The following VCPIP1 variants were observed in gnomAD, a reference collection of about 807,000 sequenced individuals.
VCPIP1 encodes deubiquitinating protein VCPIP1.
In VCPIP1, 8 loss-of-function variants were observed where a neutral mutation model predicts 85.0. The ratio of observed to expected loss-of-function variants is 0.09; its 90% CI spans 0.06 to 0.17. The LOEUF (loss-of-function observed/expected upper bound fraction) is 0.17, where lower values mean the gene tolerates loss of function less well. VCPIP1 is among the 10% of genes least tolerant of loss of function. The pLI is 1.00. For synonymous variants in VCPIP1, 543 were observed against 544.5 expected (o/e 1.00, Z 0.04); for missense variants, 1,070 against 1,486.3 (o/e 0.72, Z 4.61).
At chr8:66,658,367 T>G (rs1053576685) in intron 1 of VCPIP1, among the ~76,000 whole-genome samples, 7 of 146,718 alleles carry the variant, frequency 4.8e-5, no homozygotes, top group Non-Finnish European at 1.0e-4. Context: ...AGAATATGCA[T>G]AAGTACTATC....
At position 66,645,839 on chromosome 8, in the gene VCPIP1, G is replaced by C. The variant is rs150822092; in HGVS notation, c.2797+5619C>G. The stretch of plus-strand genomic sequence containing the variant: ...CCTGCTACTCAGAAGGCCAAGGTGG[G>C]AGATCAACTGAGCCAGGTAGGTCAA... On this transcript the variant is annotated intron_variant, in intron 2 of 2. Coordinates refer to ENST00000310421, the MANE Select transcript of VCPIP1 (RefSeq NM_025054.5). 6.1e-4 allele frequency among the ~76,000 whole-genome samples: 93 copies of C among 152,084 alleles called. 2 individuals are homozygous for C. The East Asian group carries it at 7.9e-3, about 13-fold the overall frequency.
intron 2 of VCPIP1, among the ~76,000 whole-genome samples, chr8:66,647,905 T>C (rs1811012129): frequency 6.6e-6 from 1 of 152,138 alleles, no homozygotes. Context: ...CACCTCAGCC[T>C]CCTGAGTAGC....
chr8:66,641,800 C>G (rs988175952), intron 2 of VCPIP1, among the ~76,000 whole-genome samples: 1 of 152,202 alleles, frequency 6.6e-6, no homozygotes, highest in African/African-American at 2.4e-5. Context: ...AATAATATTT[C>G]ACTGTATGGC....
intron 2 of VCPIP1, among the ~76,000 whole-genome samples, chr8:66,646,088 T>C (rs988424298): frequency 6.6e-6 from 1 of 151,834 alleles, no homozygotes; most frequent in South Asian, 2.1e-4. Flanking sequence ...TTTTTTTTTT[T>C]TGAGACAGAG....
intron 2 of VCPIP1, 98 bp from the exon 3 acceptor site, chr8:66,635,470 C>G: frequency 8.1e-7 from 1 of 1,230,220 alleles, no homozygotes; most frequent in Non-Finnish European, 1.1e-6. Flanking sequence ...TTTTAAATAA[C>G]AATTTACAGA....
At chr8:66,649,372 C>T (rs577646534) in intron 2 of VCPIP1, among the ~76,000 whole-genome samples, 2 of 152,116 alleles carry the variant, frequency 1.3e-5, no homozygotes, top group East Asian at 3.9e-4. Flanking sequence ...ATTAGCTGGG[C>T]ATGGTGGCAC....
chr8:66,665,512 C>T lies in VCPIP1; in HGVS notation c.1447G>A (p.Glu483Lys). ...GALSELHVPP[E>K]WLAPGGKLYN... is the part of the protein sequence containing the mutation. Reference sequence around the variant, plus strand: ...AATTTCCCTCCAGGAGCCAACCACTCTGGAGGAACATGAAGTTCAGAAAGG... The same window carrying T: ...AATTTCCCTCCAGGAGCCAACCACTTTGGAGGAACATGAAGTTCAGAAAGG... Residue 483 changes from glutamate (E) to lysine (K), a missense_variant, in exon 1 of 3, where the codon GAG becomes AAG. Physicochemically the swap from Glu to Lys is moderately conservative, Grantham distance 56. Coordinates refer to ENST00000310421, the MANE Select transcript of VCPIP1 (RefSeq NM_025054.5). The surrounding 1 kb of genome is among the most constrained non-coding windows in gnomAD (Gnocchi z 4.3). 1 of 1,614,120 alleles carries T rather than the reference C, an allele frequency of 6.2e-7. No homozygotes were observed. Among genetic ancestry groups the T allele is most frequent in the Non-Finnish European group, 8.5e-7 (1 of 1,179,976 alleles).
At position 66,632,427 on chromosome 8, in the gene VCPIP1, T is replaced by C. The variant is rs1406690841; in HGVS notation, c.*2074A>G. On this transcript the variant is annotated 3_prime_UTR_variant, in exon 3 of 3. Transcript: ENST00000310421. ...TATTCATACCTAACTGGCTTTTAAA[T>C]AGCATTGCTGTAGCTAGAGAAATTA... The C allele has an allele frequency of 6.6e-6, 1 of 152,094 alleles. No homozygotes were observed. The highest frequency in any genetic ancestry group is 1.5e-5 in the Non-Finnish European group (1 of 67,952). The allele number at this position is 152,094 out of a possible 1,614,324, so 9.4% of individuals were successfully genotyped here.
At chr8:66,635,468 A>G in intron 2 of VCPIP1, 96 bp from the exon 3 acceptor site, 1 of 1,243,918 alleles carries the variant, frequency 8.0e-7, no homozygotes, top group Non-Finnish European at 1.1e-6. Context: ...AATTTTAAAT[A>G]ACAATTTACA....
intron 1 of VCPIP1, among the ~76,000 whole-genome samples, chr8:66,657,373 G>C (rs1023531876): frequency 5.3e-5 from 8 of 152,182 alleles, no homozygotes; most frequent in Admixed American, 1.3e-4. Context: ...TAGGAACACA[G>C]GACTGTTTCA....
chr8:66,656,500 T>TTTAAA (rs1319155414), intron 1 of VCPIP1, among the ~76,000 whole-genome samples: 1 of 152,260 alleles, frequency 6.6e-6, no homozygotes, highest in African/African-American at 2.4e-5. Context: ...GCCTTCTAAC[T>TTTAAA]TTAAATATTT....
At chr8:66,638,517 C>T (rs190427453) in intron 2 of VCPIP1, among the ~76,000 whole-genome samples, 1,927 of 147,832 alleles carry the variant, frequency 0.013, 42 homozygotes, top group African/African-American at 0.045. Flanking sequence ...CGGTGGCTCA[C>T]GCCTGTAATC....
Position 66,667,199 on chromosome 8 carries a change from C to A in VCPIP1, c.-241G>T. Reference sequence around the variant, plus strand: ...GCCACCACCCCACCCCGCACTCACACTCACTCACTCTCGCTCTCTCTCCCT... The same window carrying A: ...GCCACCACCCCACCCCGCACTCACAATCACTCACTCTCGCTCTCTCTCCCT... On this transcript the variant is annotated 5_prime_UTR_variant, in exon 1 of 3. Transcript: ENST00000310421. 1 of 722,278 alleles carries A rather than the reference C, an allele frequency of 1.4e-6. No homozygotes were observed. Among genetic ancestry groups the A allele is most frequent in the African/African-American group, 1.8e-5 (1 of 56,418 alleles). The allele number at this position is 722,278 out of a possible 1,614,324, so 44.7% of individuals were successfully genotyped here.
intron 1 of VCPIP1, among the ~76,000 whole-genome samples, chr8:66,654,654 C>G (rs1011492328): frequency 6.6e-6 from 1 of 152,184 alleles, no homozygotes; most frequent in Non-Finnish European, 1.5e-5. Context: ...GATTAGAGAT[C>G]AGGAAGCAGG....
In VCPIP1 at chr8:66,651,563, T is replaced by C. The variant is rs371516049; in HGVS notation, c.2711-19A>G. 4.6e-5 allele frequency: 74 copies of C among 1,599,542 alleles called. No individual in the cohort carries two copies. The Middle Eastern group carries it at 1.3e-3, about 29-fold the overall frequency. ...TCTTCTCCTGTAAGACAAAAACAGA[T>C]ATAGTATTAGCAACAAACAAAAGAG... On this transcript the variant is annotated intron_variant, in intron 1 of 2. Coordinates refer to ENST00000310421, the MANE Select transcript of VCPIP1 (RefSeq NM_025054.5).
intron 2 of VCPIP1, among the ~76,000 whole-genome samples, chr8:66,643,875 A>AG: frequency 6.8e-6 from 1 of 146,932 alleles, no homozygotes; most frequent in South Asian, 2.2e-4. Context: ...AACAGCCAGA[A>AG]TGGACAGCCA....
rs111878928 is a variant in VCPIP1, at chr8:66,642,759, T to C, written c.2798-7387A>G. Among the ~76,000 whole-genome samples, 1,339 of 152,278 alleles carry C rather than the reference T, an allele frequency of 8.8e-3. 22 individuals are homozygous for C. The highest frequency in any genetic ancestry group is 0.03 in the African/African-American group (1,229 of 41,550). On this transcript the variant is annotated intron_variant, in intron 2 of 2. Coordinates refer to ENST00000310421, the MANE Select transcript of VCPIP1 (RefSeq NM_025054.5). ...TAATTTCAAACTAGAAACAAAACTA[T>C]TTTGAAAATAGTAAAGATAGCCATC...
At chr8:66,645,378 A>T (rs1159955155) in intron 2 of VCPIP1, among the ~76,000 whole-genome samples, 1 of 152,142 alleles carries the variant, frequency 6.6e-6, no homozygotes, top group Admixed American at 6.6e-5. Context: ...AGATTGCACC[A>T]CTGCACTGGC....
chr8:66,661,920 C>T (rs1417822544), intron 1 of VCPIP1, among the ~76,000 whole-genome samples: 9 of 150,794 alleles, frequency 6.0e-5, no homozygotes, highest in East Asian at 6.0e-4. Flanking sequence ...CCTGCCACCA[C>T]ACCCGGCTTA....
Sources: gnomAD v4.1 joint callset for allele counts (sites outside exome capture counted in the v4.1 genomes callset) on GRCh38, gnomAD v4.1.1 for gene constraint, Gnocchi (gnomAD v3.1) non-coding constraint, MANE v1.5 for transcripts, NCBI Gene and HGNC (gene_info 2026-07-23, HGNC 2026-07-21) for gene names.